The following CTSH variants were observed in gnomAD, a reference collection of about 807,000 sequenced individuals.
CTSH encodes the protein pro-cathepsin H.
Under a neutral mutation model 56.3 loss-of-function variants are expected in CTSH, and 52 were observed. The ratio of observed to expected loss-of-function variants is 0.92; its 90% confidence interval spans 0.74 to 1.16. The LOEUF (loss-of-function observed/expected upper bound fraction) is 1.16, where lower values mean the gene tolerates loss of function less well. Among genes scored for constraint, CTSH ranks in the 50% most tolerant of loss-of-function variants. CTSH has a pLI of 0.00. For synonymous variants in CTSH, 174 were observed against 155.7 expected, an observed-to-expected ratio of 1.12 and a Z score of -0.88; for missense variants, 406 against 424.5, an observed-to-expected ratio of 0.96 and a Z score of 0.38.
In CTSH at chr15:78,925,345, G is replaced by A; in HGVS notation, c.795C>T (p.Gly265=). ...VTQDFMMYRT[G]IYSSTSCHKT... Reference sequence around the variant, plus strand: ...GGACCCTGACTCACCTGGAGTAGATGCCGGTTCTATACATCATGAAGTCCT... The same window carrying A: ...GGACCCTGACTCACCTGGAGTAGATACCGGTTCTATACATCATGAAGTCCT... Residue 265 remains glycine, a synonymous_variant, in exon 10 of 12, where the codon GGC becomes GGT. Coordinates refer to ENST00000220166, the MANE Select transcript of CTSH (RefSeq NM_004390.5). The A allele has an allele frequency of 6.2e-7, 1 of 1,609,704 alleles. No homozygotes were observed. Among genetic ancestry groups the A allele is most frequent in the Non-Finnish European group, 8.5e-7 (1 of 1,176,126 alleles).
At chr15:78,933,573 C>T (rs779327818) in intron 5 of CTSH, 11 of 454,506 alleles carry the variant, frequency 2.4e-5, no homozygotes, top group East Asian at 7.0e-5. Flanking sequence ...GAGGGAGGGA[C>T]GGCCTGGTGA....
rs73472313 is a variant in CTSH at position 78,943,721 on chromosome 15, A to G, written c.91+1170T>C. Among the ~76,000 whole-genome samples, 4,444 of 152,350 alleles carry G rather than the reference A, an allele frequency of 0.029. 485 individuals carry two copies. In the East Asian group the frequency reaches 0.37, roughly 13 times the overall value. On this transcript the variant is annotated intron_variant, in intron 1 of 11. Transcript: ENST00000220166. ...AATCTATGGTTGCTATCACACTACC[A>G]TGGCAGAGTTAGTAGTTGCTACAGA...
chr15:78,941,651 C>G (rs1219352216), intron 1 of CTSH, among the ~76,000 whole-genome samples: 1 of 151,932 alleles, frequency 6.6e-6, no homozygotes, highest in African/African-American at 2.4e-5. Flanking sequence ...AACAAATTAG[C>G]CGGGCGTGGT....
intron 5 of CTSH, among the ~76,000 whole-genome samples, chr15:78,934,378 G>A (rs1465665912): frequency 6.6e-6 from 1 of 152,240 alleles, no homozygotes; most frequent in Non-Finnish European, 1.5e-5. Context: ...GCCGCAGCAG[G>A]CCGGGAGAAC....
intron 5 of CTSH, among the ~76,000 whole-genome samples, chr15:78,932,949 C>CA (rs11420903): frequency 0.31 from 47,415 of 151,944 alleles, 9,234 homozygotes; most frequent in East Asian, 0.83. Context: ...CCTCCAGTCT[C>CA]TTCTGCCCAG....
chr15:78,922,154 G>A lies in CTSH; in HGVS notation c.984C>T (p.Ala328=). The part of the protein sequence containing the change: ...GKNMCGLAAC[A]SYPIPLV Reference sequence around the variant, plus strand: ...CTCACACCAGAGGGATGGGGTAGGAGGCGCAGGCAGCCAGGCCACACATGT... The same window carrying A: ...CTCACACCAGAGGGATGGGGTAGGAAGCGCAGGCAGCCAGGCCACACATGT... The change falls in exon 12 of 12, where the codon GCC becomes GCT. Residue 328 remains alanine (A), a synonymous_variant. Transcript: ENST00000220166. 1 of 1,579,034 alleles carries A rather than the reference G, an allele frequency of 6.3e-7. No individual in the cohort carries two copies. The highest frequency in any genetic ancestry group is 8.6e-7 in the Non-Finnish European group (1 of 1,163,268).
chr15:78,944,604 G>A, intron 1 of CTSH: 1 of 354,138 alleles, frequency 2.8e-6, no homozygotes, highest in Non-Finnish European at 5.1e-6. Context: ...AAGGCGGAAG[G>A]AGCTGCGGGC....
chr15:78,926,377 T>A (rs1015672794), intron 9 of CTSH: 5 of 152,278 alleles, frequency 3.3e-5, no homozygotes, highest in Non-Finnish European at 5.9e-5. Flanking sequence ...ATCTGAGACA[T>A]GGAGGGCACA....
At chr15:78,944,215 C>T (rs939780575) in intron 1 of CTSH, among the ~76,000 whole-genome samples, 1 of 152,322 alleles carries the variant, frequency 6.6e-6, no homozygotes, top group Non-Finnish European at 1.5e-5. Context: ...TAGGGAAGAG[C>T]AGGCTCCTTG....
At chr15:78,932,235 G>A (rs1297126458) in intron 6 of CTSH, 137 bp downstream of exon 6, 4 of 851,514 alleles carry the variant, frequency 4.7e-6, no homozygotes, top group Non-Finnish European at 7.3e-6. Flanking sequence ...CATGCCAGAT[G>A]TCCACAAGGC....
chr15:78,925,217 T>C, intron 10 of CTSH, 117 bp downstream of exon 10: 1 of 658,780 alleles, frequency 1.5e-6, no homozygotes, highest in South Asian at 1.7e-5. Context: ...GCAGGTGTCA[T>C]GAAGGGTCTG....
At chr15:78,939,798 G>A (rs1596290036) in intron 1 of CTSH, among the ~76,000 whole-genome samples, 1 of 152,186 alleles carries the variant, frequency 6.6e-6, no homozygotes, top group Non-Finnish European at 1.5e-5. Flanking sequence ...GAGGAGAATC[G>A]CTTGAACCCG....
chr15:78,921,429 G>C lies in CTSH; in HGVS notation c.*701C>G, dbSNP rs763538595. The stretch of plus-strand genomic sequence containing the variant: ...GTGGGCAGTCTCATGTGGAGGTGGG[G>C]GGCAGAGTCTGAGTAGGAGTAGGCA... On this transcript the variant is annotated 3_prime_UTR_variant, in exon 12 of 12. Coordinates refer to ENST00000220166, the MANE Select transcript of CTSH (RefSeq NM_004390.5). 1 of 152,326 alleles carries C rather than the reference G, an allele frequency of 6.6e-6. No homozygotes were observed. The highest frequency in any genetic ancestry group is 1.5e-5 in the Non-Finnish European group (1 of 68,124). 9.4% of individuals were successfully genotyped at this position (152,326 alleles called of 1,614,324 possible). A position where few individuals can be genotyped will look rare whatever the true frequency, so the allele number is the denominator to read the frequency against.
At chr15:78,928,820 G>A (rs2141529137) in intron 8 of CTSH, among the ~76,000 whole-genome samples, 2 of 152,288 alleles carry the variant, frequency 1.3e-5, no homozygotes, top group Non-Finnish European at 2.9e-5. Context: ...CAGCAGGCTG[G>A]CGGCAGGGTG....
intron 5 of CTSH, chr15:78,933,565 G>C: frequency 2.2e-6 from 1 of 455,080 alleles, no homozygotes; most frequent in Non-Finnish European, 4.4e-6. Flanking sequence ...AGCTGGGGGA[G>C]GGAGGGACGG....
Position 78,927,755 on chromosome 15 carries a change from T to G in CTSH, c.657A>C (p.Gly219=). The part of the protein sequence containing the change: ...GKDGYCKFQP[G]KAIGFVKDVA... ...CATCCTTGACAAAGCCGATGGCCTT[T>G]CCAGGTTGGAACTTGCAATAACCAT... The change falls in exon 9 of 12, where the codon GGA becomes GGC. Residue 219 remains glycine, a synonymous_variant. Transcript: ENST00000220166. 3.1e-6 allele frequency: 5 copies of G among 1,614,188 alleles called. No individual in the cohort carries two copies. The highest frequency in any genetic ancestry group is 4.2e-6 in the Non-Finnish European group (5 of 1,180,026).
chr15:78,934,952 G>T (rs1362175929), intron 5 of CTSH, 26 bp downstream of exon 5: 5 of 1,473,842 alleles, frequency 3.4e-6, no homozygotes, highest in African/African-American at 2.8e-5. Context: ...GTTTTGCAGG[G>T]AGAGGATGGA....
At chr15:78,935,600 T>C (rs1347948785) in intron 4 of CTSH, 80 bp downstream of exon 4, 31 of 1,260,500 alleles carry the variant, frequency 2.5e-5, no homozygotes, top group African/African-American at 1.9e-4. Flanking sequence ...TGAATCTGCC[T>C]AGAAGCAGAG....
intron 1 of CTSH, among the ~76,000 whole-genome samples, chr15:78,941,155 C>T (rs2055278574): frequency 1.3e-5 from 2 of 150,438 alleles, no homozygotes; most frequent in Admixed American, 6.6e-5. Flanking sequence ...GGCTGGGCGC[C>T]GTGGCTCATG....
Sources: gnomAD v4.1 joint callset for allele counts (sites outside exome capture counted in the v4.1 genomes callset) on GRCh38, gnomAD v4.1.1 for gene constraint, MANE v1.5 for transcripts, NCBI Gene and HGNC (gene_info 2026-07-23, HGNC 2026-07-21) for gene names.